Variants in DCC observed in about 807,000 individuals in gnomAD.
DCC encodes the protein netrin receptor DCC.
A neutral mutation model predicts 172.5 loss-of-function variants in DCC; 58 were observed. The ratio of observed to expected loss-of-function variants is 0.34; its 90% CI spans 0.27 to 0.42. DCC has a LOEUF of 0.42. Among genes scored for constraint, DCC ranks in the 10% least tolerant of loss-of-function variants. The pLI, the probability that DCC is intolerant of heterozygous loss-of-function variation, is 1.00. For missense variants in DCC, 1,740 were observed against 1,791.0 expected (o/e 0.97, Z 0.51); for synonymous variants, 709 against 644.5 (o/e 1.10, Z -1.52).
intron 2 of DCC, among the ~76,000 whole-genome samples, chr18:52,850,412 A>C (rs1167067981): frequency 6.6e-6 from 1 of 152,178 alleles, no homozygotes; most frequent in Non-Finnish European, 1.5e-5. Context: ...GGTGTATTAC[A>C]GCTGATTTTT....
intron 5 of DCC, among the ~76,000 whole-genome samples, chr18:52,991,603 T>G (rs117524224): frequency 0.022 from 3,360 of 152,314 alleles, 53 homozygotes; most frequent in Middle Eastern, 0.034. Flanking sequence ...ATTCCCTCTT[T>G]GTGAAAACTT....
chr18:53,093,724 T>C (rs1338934251), intron 7 of DCC, among the ~76,000 whole-genome samples: 2 of 152,238 alleles, frequency 1.3e-5, no homozygotes, highest in African/African-American at 4.8e-5. Flanking sequence ...CACAGGCTGA[T>C]TGGCATTCAT....
chr18:52,466,242 C>T (rs541438660), intron 1 of DCC, among the ~76,000 whole-genome samples: 19 of 152,180 alleles, frequency 1.2e-4, no homozygotes, highest in Middle Eastern at 3.4e-3. Flanking sequence ...AAGGGATATG[C>T]GGCAGGGGGC....
At chr18:53,077,327 C>A (rs1231496363) in intron 7 of DCC, among the ~76,000 whole-genome samples, 1 of 152,026 alleles carries the variant, frequency 6.6e-6, no homozygotes, top group Non-Finnish European at 1.5e-5. Flanking sequence ...TGGGGCTATC[C>A]CTCACTGAGC....
chr18:53,260,784 A>G (rs533360514), intron 12 of DCC, among the ~76,000 whole-genome samples: 2 of 152,250 alleles, frequency 1.3e-5, no homozygotes, highest in Admixed American at 6.5e-5. Flanking sequence ...TTGTTTGTCT[A>G]TGCCCTGCCC....
At chr18:53,462,891 T>C (rs1459425712) in intron 24 of DCC, among the ~76,000 whole-genome samples, 3 of 152,214 alleles carry the variant, frequency 2.0e-5, no homozygotes, top group Admixed American at 1.3e-4. Context: ...GAATCTCCTA[T>C]ATCCTTGCCA....
intron 2 of DCC, among the ~76,000 whole-genome samples, chr18:52,784,570 A>C (rs989039211): frequency 1.3e-5 from 2 of 152,038 alleles, no homozygotes; most frequent in South Asian, 2.1e-4. Flanking sequence ...CATGTTTGCC[A>C]GCAGTTGTTA....
chr18:52,745,511 G>T (rs772641014), intron 1 of DCC, among the ~76,000 whole-genome samples: 1 of 152,106 alleles, frequency 6.6e-6, no homozygotes, highest in Admixed American at 6.5e-5. Flanking sequence ...ATTTTTAATT[G>T]GCACACAATA....
At chr18:52,580,030 C>T (rs2033507829) in intron 1 of DCC, among the ~76,000 whole-genome samples, 1 of 152,198 alleles carries the variant, frequency 6.6e-6, no homozygotes, top group African/African-American at 2.4e-5. Context: ...CTAAAAGTTG[C>T]TATTCACCTT....
intron 3 of DCC, among the ~76,000 whole-genome samples, chr18:52,908,751 T>A (rs2039926400): frequency 6.6e-6 from 1 of 152,220 alleles, no homozygotes; most frequent in Non-Finnish European, 1.5e-5. Flanking sequence ...ATAGAGAACA[T>A]GTTGTACTTT....
rs2036412 is a variant in DCC, at chr18:53,468,380, T to A, written c.3736+370T>A. 4.3e-3 allele frequency among the ~76,000 whole-genome samples: 579 copies of A among 135,130 alleles called. 15 individuals carry two copies. The highest frequency in any genetic ancestry group is 0.011 in the Middle Eastern group (3 of 268). 88.7% of individuals were successfully genotyped at this position (135,130 alleles called of 152,430 possible). A position where few individuals can be genotyped will look rare whatever the true frequency, so the allele number is the denominator to read the frequency against. On this transcript the variant is annotated intron_variant, in intron 25 of 28. Transcript: ENST00000442544. The stretch of plus-strand genomic sequence containing the variant: ...TTTATTTATTTTATTTATTTATTTA[T>A]TTTATTTATTTATTTATTTTGAGAC...
intron 1 of DCC, among the ~76,000 whole-genome samples, chr18:52,722,400 C>A (rs1335625014): frequency 6.6e-6 from 1 of 152,176 alleles, no homozygotes; most frequent in Non-Finnish European, 1.5e-5. Context: ...TCCTTCTCAT[C>A]CTCAGACTCC....
At chr18:52,534,114 A>G (rs2032225066) in intron 1 of DCC, among the ~76,000 whole-genome samples, 2 of 152,108 alleles carry the variant, frequency 1.3e-5, no homozygotes, top group Non-Finnish European at 2.9e-5. Context: ...GAATTAATGG[A>G]AAAATATGTT....
At chr18:53,506,938 C>CCAA (rs1279952332) in intron 27 of DCC, among the ~76,000 whole-genome samples, 1 of 151,806 alleles carries the variant, frequency 6.6e-6, no homozygotes, top group Non-Finnish European at 1.5e-5. Flanking sequence ...CTCCATCATG[C>CCAA]CAACTACAGA....
chr18:53,325,196 C>CAAAAAAAAAAAAAAAAAAAAAAA (rs750007696), intron 14 of DCC, among the ~76,000 whole-genome samples: 1 of 65,110 alleles, frequency 1.5e-5, no homozygotes, highest in Non-Finnish European at 2.7e-5. Context: ...GACTCCATCT[C>CAAAAAAAAAAAAAAAAAAAAAAA]AAAAAAAAAA....
intron 5 of DCC, among the ~76,000 whole-genome samples, chr18:52,948,776 ATTC>A (rs1425897867): frequency 1.3e-5 from 2 of 152,208 alleles, no homozygotes; most frequent in Non-Finnish European, 2.9e-5. Flanking sequence ...AGCAGACTTT[ATTC>A]TTAACATTTA....
intron 15 of DCC, among the ~76,000 whole-genome samples, chr18:53,382,143 C>A (rs1364303038): frequency 6.6e-6 from 1 of 150,516 alleles, no homozygotes; most frequent in African/African-American, 2.5e-5. Flanking sequence ...AATTTCTGAT[C>A]ACTTTTTCAC....
intron 13 of DCC, among the ~76,000 whole-genome samples, chr18:53,320,783 G>A (rs2057402368): frequency 6.6e-6 from 1 of 151,890 alleles, no homozygotes; most frequent in South Asian, 2.1e-4. Context: ...TACTATTGTG[G>A]GCCCTATGAA....
chr18:53,346,633 A>AT (rs1270910127), intron 15 of DCC, among the ~76,000 whole-genome samples: 1 of 151,798 alleles, frequency 6.6e-6, no homozygotes, highest in Non-Finnish European at 1.5e-5. Context: ...TACAATCTCC[A>AT]TTTTTTTCTA....
Sources: gnomAD v4.1 joint callset for allele counts (sites outside exome capture counted in the v4.1 genomes callset) on GRCh38, gnomAD v4.1.1 for gene constraint, MANE v1.5 for transcripts, NCBI Gene and HGNC (gene_info 2026-07-23, HGNC 2026-07-21) for gene names.